GRID2: variants seen among roughly 807,000 people sequenced by gnomAD.
The protein encoded by GRID2 is glutamate ionotropic receptor delta type subunit 2.
GRID2 carries 33 observed loss-of-function variants against 114.8 expected under a neutral mutation model. That is an observed-to-expected ratio of 0.29 (90% CI 0.22 to 0.38). GRID2 has a LOEUF of 0.38. Among genes scored for constraint, GRID2 ranks in the 10% least tolerant of loss-of-function variants. The pLI, the probability that GRID2 is intolerant of heterozygous loss-of-function variation, is 1.00. For synonymous variants in GRID2, 505 were observed against 449.9 expected (o/e 1.12, Z -1.55); for missense variants, 1,184 against 1,257.7 (o/e 0.94, Z 0.89).
chr4:92,416,326 T>A (rs908703745), intron 1 of GRID2, among the ~76,000 whole-genome samples: 1 of 152,178 alleles, frequency 6.6e-6, no homozygotes, highest in Admixed American at 6.5e-5. Context: ...ATGCATAGTT[T>A]GCAAATATTT....
chr4:93,210,121 T>G (rs1743281500), intron 5 of GRID2, among the ~76,000 whole-genome samples: 1 of 152,138 alleles, frequency 6.6e-6, no homozygotes, highest in Non-Finnish European at 1.5e-5. Flanking sequence ...TGTTTGTCGA[T>G]TTTTGCTTTT....
intron 2 of GRID2, among the ~76,000 whole-genome samples, chr4:92,971,094 T>C (rs1016836862): frequency 6.6e-6 from 1 of 151,902 alleles, no homozygotes; most frequent in Non-Finnish European, 1.5e-5. Context: ...CTTTGGCCCC[T>C]CAAAATGTTG....
chr4:92,334,034 A>G (rs1579195623), intron 1 of GRID2, among the ~76,000 whole-genome samples: 1 of 152,060 alleles, frequency 6.6e-6, no homozygotes, highest in Non-Finnish European at 1.5e-5. Context: ...ACTGGCTCCC[A>G]CCAGGTATCC....
chr4:92,994,490 T>G (rs1755083999), intron 2 of GRID2, among the ~76,000 whole-genome samples: 1 of 151,746 alleles, frequency 6.6e-6, no homozygotes, highest in African/African-American at 2.4e-5. Context: ...GTAGGGGAAT[T>G]TTTTTGTATT....
intron 14 of GRID2, among the ~76,000 whole-genome samples, chr4:93,702,213 T>C (rs1727572966): frequency 6.6e-6 from 1 of 152,168 alleles, no homozygotes; most frequent in Admixed American, 6.5e-5. Context: ...TTTTTGTAAA[T>C]AGATTCCATA....
chr4:93,529,137 A>G (rs1578196578), intron 13 of GRID2, among the ~76,000 whole-genome samples: 2 of 152,158 alleles, frequency 1.3e-5, no homozygotes, highest in Admixed American at 6.5e-5. Flanking sequence ...TGGTTCTCAA[A>G]CTTTATATGC....
intron 4 of GRID2, among the ~76,000 whole-genome samples, chr4:93,122,701 GA>G (rs553252845): frequency 1.3e-5 from 2 of 151,152 alleles, no homozygotes; most frequent in South Asian, 2.1e-4. Flanking sequence ...GGAATTGTAA[GA>G]AAAAAAATAA....
chr4:92,805,811 A>G (rs1578215185), intron 2 of GRID2, among the ~76,000 whole-genome samples: 1 of 151,948 alleles, frequency 6.6e-6, no homozygotes, highest in African/African-American at 2.4e-5. Flanking sequence ...GAAAGAAAAA[A>G]AAGTAATTTC....
chr4:93,718,435 G>A (rs977869123), intron 14 of GRID2, among the ~76,000 whole-genome samples: 5 of 152,110 alleles, frequency 3.3e-5, no homozygotes, highest in South Asian at 2.1e-4. Context: ...TTCCAATGAC[G>A]TAATGGTCAG....
intron 14 of GRID2, among the ~76,000 whole-genome samples, chr4:93,675,260 G>A (rs2110074836): frequency 6.6e-6 from 1 of 152,138 alleles, no homozygotes; most frequent in East Asian, 1.9e-4. Context: ...ACTTGCCAAA[G>A]ACCTTGACTT....
intron 2 of GRID2, among the ~76,000 whole-genome samples, chr4:92,647,386 G>A (rs993252600): frequency 9.1e-5 from 3 of 32,950 alleles, no homozygotes; most frequent in African/African-American, 3.0e-4. Flanking sequence ...ACCAATAAAT[G>A]ATACAGTGTG....
At chr4:93,434,958 C>G (rs1720929902) in intron 10 of GRID2, among the ~76,000 whole-genome samples, 1 of 152,090 alleles carries the variant, frequency 6.6e-6, no homozygotes, top group Admixed American at 6.6e-5. Context: ...TCTCTGTCCA[C>G]CTCATTTTTT....
At chr4:92,607,052 A>C (rs994483644) in intron 2 of GRID2, among the ~76,000 whole-genome samples, 2 of 151,960 alleles carry the variant, frequency 1.3e-5, no homozygotes, top group African/African-American at 4.8e-5. Context: ...GCTATCTCCA[A>C]ATTGCCAATA....
chr4:92,631,161 A>G (rs1730792586), intron 2 of GRID2, among the ~76,000 whole-genome samples: 1 of 152,174 alleles, frequency 6.6e-6, no homozygotes, highest in African/African-American at 2.4e-5. Context: ...CAACATAATA[A>G]AAATCATGCT....
chr4:92,946,664 A>G (rs1751656585), intron 2 of GRID2, among the ~76,000 whole-genome samples: 1 of 152,094 alleles, frequency 6.6e-6, no homozygotes. Context: ...CCTCTAAGAC[A>G]TAAACTGTTT....
At chr4:93,033,720 A>G (rs982290482) in intron 2 of GRID2, among the ~76,000 whole-genome samples, 1 of 151,332 alleles carries the variant, frequency 6.6e-6, no homozygotes, top group Non-Finnish European at 1.5e-5. Context: ...TTTTCATTTT[A>G]TGAATTTTCA....
Position 93,558,712 on chromosome 4 carries a change from G to A in GRID2, c.2193+43301G>A, listed in dbSNP as rs544290841. 3.9e-5 allele frequency among the ~76,000 whole-genome samples: 6 copies of A among 152,162 alleles called. No homozygotes were observed. In the East Asian group the frequency reaches 5.8e-4, roughly 15 times the overall value. On this transcript the variant is annotated intron_variant, in intron 13 of 15. Coordinates refer to ENST00000282020, the MANE Select transcript of GRID2 (RefSeq NM_001510.4). ...ACTATTCCAAACAATAGAAAACGAGGGAATCCTCCCTGACTCATTTTATGA... is the reference window on the plus strand; with the variant it reads ...ACTATTCCAAACAATAGAAAACGAGAGAATCCTCCCTGACTCATTTTATGA...
intron 2 of GRID2, among the ~76,000 whole-genome samples, chr4:92,648,558 G>A (rs1374278347): frequency 6.7e-6 from 1 of 149,446 alleles, no homozygotes; most frequent in Non-Finnish European, 1.5e-5. Flanking sequence ...TCCCTTCACT[G>A]AAGTTACATT....
chr4:92,814,648 T>G (rs1347903082), intron 2 of GRID2, among the ~76,000 whole-genome samples: 1 of 152,160 alleles, frequency 6.6e-6, no homozygotes, highest in Non-Finnish European at 1.5e-5. Context: ...TTGGCAACAC[T>G]TCACTGCTAT....
Sources: allele counts gnomAD v4.1 joint callset (sites outside exome capture counted in the v4.1 genomes callset), GRCh38; gene constraint gnomAD v4.1.1; transcripts MANE v1.5; gene names NCBI Gene and HGNC (gene_info 2026-07-23, HGNC 2026-07-21).